The following MYO7A variants were observed in gnomAD, a reference collection of about 807,000 sequenced individuals.
The protein encoded by MYO7A is unconventional myosin-VIIa.
MYO7A carries 210 observed loss-of-function variants against 263.8 expected under a neutral mutation model. The ratio of observed to expected loss-of-function variants is 0.80; its 90% confidence interval spans 0.71 to 0.89. MYO7A has a LOEUF of 0.89. MYO7A is among the 40% of genes least tolerant of loss of function. The pLI is 0.00. For missense variants in MYO7A, 2,820 were observed against 2,968.3 expected (o/e 0.95, Z 1.16); for synonymous variants, 1,239 against 1,197.3 (o/e 1.03, Z -0.72).
At chr11:77,157,946 G>T (rs952596143) in intron 8 of MYO7A, among the ~76,000 whole-genome samples, 1 of 152,180 alleles carries the variant, frequency 6.6e-6, no homozygotes, top group Non-Finnish European at 1.5e-5. Flanking sequence ...TCCCCGGGGG[G>T]CTGCAGGAGC....
At position 77,147,961 on chromosome 11, in the gene MYO7A, C is replaced by T; in HGVS notation, c.285+11C>T. ...GACCACCTCATCTACGTGAGTGCCG[C>T]CCCGCCCGGTGCCCGTCCAGGCCCC... On this transcript the variant is annotated intron_variant, in intron 4 of 48. Coordinates refer to ENST00000409709, the MANE Select transcript of MYO7A (RefSeq NM_000260.4). 1 of 1,534,994 alleles carries T rather than the reference C, an allele frequency of 6.5e-7. No individual in the cohort carries two copies.
chr11:77,206,023 C>A, intron 40 of MYO7A, 74 bp from the exon 41 acceptor site: 1 of 1,185,952 alleles, frequency 8.4e-7, no homozygotes, highest in Non-Finnish European at 1.2e-6. Flanking sequence ...GGGTTGTCTG[C>A]CTCCAAGTGT....
intron 25 of MYO7A, 108 bp downstream of exon 25, chr11:77,182,708 C>A: frequency 1.6e-6 from 2 of 1,218,720 alleles, no homozygotes; most frequent in Non-Finnish European, 2.3e-6. Flanking sequence ...TATAATTCAT[C>A]TCTGCCTCAC....
intron 47 of MYO7A, 86 bp from the exon 48 acceptor site, chr11:77,213,774 C>G: frequency 4.4e-6 from 7 of 1,591,850 alleles, no homozygotes; most frequent in Non-Finnish European, 5.2e-6. Context: ...CCTCTGAGGG[C>G]CTGAGGCCTT....
At chr11:77,140,436 G>A (rs150468687) in intron 2 of MYO7A, among the ~76,000 whole-genome samples, 22 of 152,372 alleles carry the variant, frequency 1.4e-4, no homozygotes, top group Admixed American at 1.4e-3. Flanking sequence ...CAAAACAGCT[G>A]TGTGACCTTG....
At position 77,162,136 on chromosome 11, in the gene MYO7A, A is replaced by G; in HGVS notation, c.1360A>G (p.Ile454Val). The G allele has an allele frequency of 6.2e-7, 1 of 1,601,594 alleles. No homozygotes were observed. The highest frequency in any genetic ancestry group is 1.1e-5 in the South Asian group (1 of 88,126). ...CCCCTGCAGCTTTGAGCAGCTCTGC[A>G]TCAACTTCGCCAATGAGCACCTGCA... ...FAVNSFEQLC[I>V]NFANEHLQQF... The change falls in exon 13 of 49, where the codon ATC (isoleucine) becomes GTC (valine). Residue 454 changes from isoleucine to valine, a missense_variant. By Grantham distance (29) the Ile-to-Val change is conservative (BLOSUM62 3). Coordinates refer to ENST00000409709, the MANE Select transcript of MYO7A (RefSeq NM_000260.4).
chr11:77,159,037 A>T (rs782559142), intron 9 of MYO7A, among the ~76,000 whole-genome samples: 1 of 152,228 alleles, frequency 6.6e-6, no homozygotes, highest in Non-Finnish European at 1.5e-5. Flanking sequence ...ACTAAGAGAC[A>T]CAGGGAAGGG....
In MYO7A at chr11:77,142,847, G is replaced by A. The variant is rs1306377374; in HGVS notation, c.132+25G>A. On this transcript the variant is annotated intron_variant, in intron 3 of 48. Coordinates refer to ENST00000409709, the MANE Select transcript of MYO7A (RefSeq NM_000260.4). ...TGTGAGTAGTCCCCTCCCTCCTCCT[G>A]CCCCATGCCTTGGGGTCAGACCTGG... 3.9e-6 allele frequency: 6 copies of A among 1,556,352 alleles called. No homozygotes were observed. In the African/African-American group the frequency reaches 8.1e-5, roughly 21 times the overall value.
intron 44 of MYO7A, chr11:77,209,103 C>T: frequency 2.8e-6 from 1 of 357,388 alleles, no homozygotes; most frequent in African/African-American, 2.0e-5. Context: ...GCTGTTGTAA[C>T]TGGGTAATTC....
intron 15 of MYO7A, among the ~76,000 whole-genome samples, chr11:77,167,793 G>C (rs1338230357): frequency 6.6e-6 from 1 of 152,086 alleles, no homozygotes; most frequent in Non-Finnish European, 1.5e-5. Flanking sequence ...AGTAGACAGG[G>C]CATGTCAGGA....
At chr11:77,136,466 A>G (rs1768347075) in intron 2 of MYO7A, among the ~76,000 whole-genome samples, 1 of 152,114 alleles carries the variant, frequency 6.6e-6, no homozygotes, top group Admixed American at 6.5e-5. Context: ...ACCAGCCGCC[A>G]GACTTACTTT....
chr11:77,177,182 G>A (rs1412107677), intron 18 of MYO7A, among the ~76,000 whole-genome samples: 1 of 152,194 alleles, frequency 6.6e-6, no homozygotes, highest in Admixed American at 6.5e-5. Context: ...GGAGAAGAAT[G>A]GCAACAGCCC....
At chr11:77,130,798 C>G (rs1292984367) in intron 2 of MYO7A, 146 bp downstream of exon 2, 3 of 893,366 alleles carry the variant, frequency 3.4e-6, no homozygotes, top group African/African-American at 3.3e-5. Context: ...AGGCTGAGGC[C>G]TAGTCTGAAA....
At chr11:77,181,697 T>A in intron 23 of MYO7A, 108 bp downstream of exon 23, 1 of 1,090,816 alleles carries the variant, frequency 9.2e-7, no homozygotes, top group Non-Finnish European at 1.3e-6. Flanking sequence ...CTCTGAACAG[T>A]GGGGAGCAGA....
intron 42 of MYO7A, 119 bp downstream of exon 42, chr11:77,207,521 GCCATCTTCTT>G: frequency 1.3e-6 from 1 of 783,138 alleles, no homozygotes; most frequent in South Asian, 1.6e-5. Context: ...CTGGCATCTG[GCCATCTTCTT>G]CCATCCCTGC....
rs1208919533 is a variant in MYO7A, at chr11:77,182,481, A to G, written c.3166A>G (p.Lys1056Glu). The change falls in exon 25 of 49, where the codon AAG (lysine) becomes GAG (glutamate). Residue 1056 changes from lysine (K) to glutamate (E), a missense_variant. By Grantham distance (56) the Lys-to-Glu change is moderately conservative. Coordinates refer to ENST00000409709, the MANE Select transcript of MYO7A (RefSeq NM_000260.4). ...LRFMGDLPEP[K>E]YHTAMSDGSE... ...CTTCATGGGGGACCTCCCTGAGCCCAAGTACCACACAGCCATGAGTGATGG... is the reference window on the plus strand; with the variant it reads ...CTTCATGGGGGACCTCCCTGAGCCCGAGTACCACACAGCCATGAGTGATGG... 3.0e-5 allele frequency: 48 copies of G among 1,610,716 alleles called. No homozygotes were observed. Among genetic ancestry groups the G allele is most frequent in the Non-Finnish European group, 3.6e-5 (42 of 1,179,844 alleles).
intron 44 of MYO7A, chr11:77,209,129 A>G (rs936172310): frequency 3.6e-6 from 1 of 279,082 alleles, no homozygotes; most frequent in African/African-American, 2.2e-5. Context: ...CCTCTGTGCA[A>G]ACATTTTCTA....
intron 19 of MYO7A, among the ~76,000 whole-genome samples, chr11:77,178,701 C>T (rs923357482): frequency 4.9e-4 from 74 of 152,238 alleles, no homozygotes; most frequent in African/African-American, 1.7e-3. Context: ...TATCAAGTCT[C>T]AGTTGCCTCA....
intron 18 of MYO7A, among the ~76,000 whole-genome samples, chr11:77,175,940 C>A (rs782291971): frequency 6.6e-6 from 1 of 152,254 alleles, no homozygotes; most frequent in Non-Finnish European, 1.5e-5. Context: ...GCTCCCATTG[C>A]TGCCTGGGCA....
Sources: gnomAD v4.1 joint callset for allele counts (sites outside exome capture counted in the v4.1 genomes callset) on GRCh38, gnomAD v4.1.1 for gene constraint, MANE v1.5 for transcripts, NCBI Gene and HGNC (gene_info 2026-07-23, HGNC 2026-07-21) for gene names.